YEATS2: variants seen among roughly 807,000 people sequenced by gnomAD.
YEATS2 encodes the protein YEATS domain containing 2, also known as YEATS domain-containing protein 2.
Under a neutral mutation model 163.2 loss-of-function variants are expected in YEATS2, and 77 were observed. That is an observed-to-expected ratio of 0.47 (90% CI 0.39 to 0.57). YEATS2 has a LOEUF of 0.57. YEATS2 is among the 20% of genes least tolerant of loss of function. The pLI, the probability that YEATS2 is intolerant of heterozygous loss-of-function variation, is 0.00. For missense variants in YEATS2, 1,549 were observed against 1,729.8 expected, an observed-to-expected ratio of 0.90 and a Z score of 1.85; for synonymous variants, 631 against 645.1, an observed-to-expected ratio of 0.98 and a Z score of 0.33.
chr3:183,702,584 C>T (rs563604326), intron 1 of YEATS2, among the ~76,000 whole-genome samples: 152 of 152,228 alleles, frequency 1.0e-3, no homozygotes, highest in African/African-American at 3.5e-3. Context: ...CGCCTATAAT[C>T]TCAGCACTTT....
chr3:183,761,246 C>G (rs1411119773), intron 13 of YEATS2, among the ~76,000 whole-genome samples: 10 of 152,030 alleles, frequency 6.6e-5, no homozygotes. Flanking sequence ...CGCCACCACA[C>G]CCGGCTAATT....
chr3:183,719,453 T>A (rs1277019066), intron 4 of YEATS2, among the ~76,000 whole-genome samples: 1 of 152,196 alleles, frequency 6.6e-6, no homozygotes, highest in Non-Finnish European at 1.5e-5. Context: ...TTTTACGTAA[T>A]TCTTTTCCTC....
chr3:183,800,601 G>T (rs762435227), intron 24 of YEATS2, 33 bp downstream of exon 24: 83 of 1,578,950 alleles, frequency 5.3e-5, no homozygotes, highest in South Asian at 1.5e-4. Context: ...AAGGAATTCC[G>T]CTTCGGGTGT....
At chr3:183,755,088 A>G (rs1225501636) in intron 11 of YEATS2, among the ~76,000 whole-genome samples, 1 of 152,172 alleles carries the variant, frequency 6.6e-6, no homozygotes, top group Non-Finnish European at 1.5e-5. Flanking sequence ...CAAATCTTTG[A>G]TGAGAGATAA....
intron 21 of YEATS2, among the ~76,000 whole-genome samples, chr3:183,791,427 G>A (rs1248445641): frequency 6.6e-6 from 1 of 152,138 alleles, no homozygotes; most frequent in Non-Finnish European, 1.5e-5. Flanking sequence ...CTTTTTAGAT[G>A]AATTATTTTT....
intron 19 of YEATS2, among the ~76,000 whole-genome samples, chr3:183,781,999 T>C (rs1463559250): frequency 6.6e-6 from 1 of 152,236 alleles, no homozygotes; most frequent in African/African-American, 2.4e-5. Context: ...AGTGGAATTA[T>C]ATAGTATGTA....
intron 8 of YEATS2, among the ~76,000 whole-genome samples, chr3:183,743,408 C>T (rs1163085646): frequency 6.6e-6 from 1 of 151,976 alleles, no homozygotes; most frequent in Non-Finnish European, 1.5e-5. Context: ...GGCGTGATCA[C>T]GGCTCACTGC....
intron 20 of YEATS2, among the ~76,000 whole-genome samples, chr3:183,787,107 A>G (rs1724136940): frequency 6.6e-6 from 1 of 152,080 alleles, no homozygotes; most frequent in Admixed American, 6.5e-5. Context: ...GGCACGCACC[A>G]CCATGTCCGG....
intron 29 of YEATS2, 187 bp from the exon 30 acceptor site, chr3:183,808,910 T>C (rs184429807): frequency 1.2e-4 from 66 of 556,896 alleles, no homozygotes; most frequent in African/African-American, 1.2e-3. Context: ...CTCCAATTCA[T>C]AATTTCTCAG....
At chr3:183,801,679 G>C in intron 25 of YEATS2, 151 bp downstream of exon 25, 1 of 536,550 alleles carries the variant, frequency 1.9e-6, no homozygotes, top group South Asian at 3.3e-5. Flanking sequence ...CATTTGCAAG[G>C]GTTTTAGAAT....
At chr3:183,729,189 G>C (rs166398) in intron 7 of YEATS2, among the ~76,000 whole-genome samples, 3 of 151,578 alleles carry the variant, frequency 2.0e-5, no homozygotes, top group Non-Finnish European at 4.4e-5. Flanking sequence ...GGAGAATGGC[G>C]TGAACCAGGG....
At chr3:183,774,217 CTGGG>C (rs2108394410) in intron 17 of YEATS2, among the ~76,000 whole-genome samples, 1 of 152,314 alleles carries the variant, frequency 6.6e-6, no homozygotes, top group Non-Finnish European at 1.5e-5. Flanking sequence ...TCCCCAACCC[CTGGG>C]CCGCACAGCA....
intron 4 of YEATS2, among the ~76,000 whole-genome samples, chr3:183,720,662 A>G: frequency 6.6e-6 from 1 of 152,184 alleles, no homozygotes; most frequent in East Asian, 1.9e-4. Flanking sequence ...TCCCAGATGC[A>G]TGTTAGAATC....
chr3:183,761,749 A>G, intron 14 of YEATS2, 135 bp downstream of exon 14: 1 of 822,950 alleles, frequency 1.2e-6, no homozygotes, highest in Non-Finnish European at 2.0e-6. Flanking sequence ...GCTTCCATGT[A>G]TTTAATGATG....
chr3:183,715,239 G>A lies in YEATS2; in HGVS notation c.77G>A (p.Arg26Gln), dbSNP rs560293517. The change falls in exon 2 of 31, where the codon CGG (arginine) becomes CAG (glutamine). Residue 26 changes from arginine to glutamine, a missense_variant. By Grantham distance (43) the Arg-to-Gln change is conservative. Transcript: ENST00000305135. ...GTATCTGTGGCCCTTCCAAATAAGC[G>A]GCATAAAGCAATTGAGAATTCAGGT... ...EDVSVALPNK[R>Q]HKAIENSARD... The A allele has an allele frequency of 2.2e-5, 35 of 1,609,958 alleles. No homozygotes were observed. The highest frequency in any genetic ancestry group is 2.5e-5 in the Non-Finnish European group (30 of 1,179,000).
intron 13 of YEATS2, 28 bp from the exon 14 acceptor site, chr3:183,761,479 T>G (rs1721341563): frequency 1.3e-6 from 2 of 1,582,760 alleles, no homozygotes; most frequent in Non-Finnish European, 1.7e-6. Context: ...TTCTCCTGAT[T>G]GTAAAATATG....
intron 15 of YEATS2, among the ~76,000 whole-genome samples, chr3:183,769,281 T>C (rs1405439427): frequency 1.7e-4 from 1 of 5,860 alleles, no homozygotes; most frequent in African/African-American, 2.6e-3. Context: ...CACTCAAGAT[T>C]AATTTGTTTC....
intron 4 of YEATS2, 101 bp downstream of exon 4, chr3:183,718,693 C>T: frequency 1.9e-6 from 2 of 1,033,374 alleles, no homozygotes; most frequent in South Asian, 3.2e-5. Flanking sequence ...ACATTTCTTT[C>T]TGTTTGTTTT....
intron 1 of YEATS2, among the ~76,000 whole-genome samples, chr3:183,698,281 G>A (rs987379447): frequency 2.6e-5 from 4 of 152,216 alleles, no homozygotes; most frequent in African/African-American, 7.2e-5. Context: ...CACAGCGGCC[G>A]GAGCTTTTAG....
Sources: allele counts gnomAD v4.1 joint callset (sites outside exome capture counted in the v4.1 genomes callset), GRCh38; gene constraint gnomAD v4.1.1; transcripts MANE v1.5; gene names NCBI Gene and HGNC (gene_info 2026-07-23, HGNC 2026-07-21).